Variants in GIN1 observed in about 807,000 individuals in gnomAD.
GIN1 encodes gypsy retrotransposon integrase-like protein 1.
In GIN1, 41 loss-of-function variants were observed where a neutral mutation model predicts 51.4. The observed-to-expected ratio is 0.80, with a 90% confidence interval of 0.62 to 1.04. The LOEUF is 1.04. Among genes scored for constraint, GIN1 ranks in the 50% least tolerant of loss-of-function variants. The pLI is 0.00. For synonymous variants in GIN1, 222 were observed against 206.5 expected (o/e 1.07, Z -0.64); for missense variants, 610 against 612.4 (o/e 1.00, Z 0.04).
rs782373275 is a variant in GIN1 at position 103,104,524 on chromosome 5, T to C, written c.639+17A>G. ...AGTAAGATATGCTCCCAGACCTAAG[T>C]AGTTTATTTGTCTTACCTGTTGAAT... is the stretch of plus-strand genomic sequence containing the variant. On this transcript the variant is annotated intron_variant, in intron 4 of 7. Coordinates refer to ENST00000399004, the MANE Select transcript of GIN1 (RefSeq NM_017676.2). 2.3e-6 allele frequency: 3 copies of C among 1,285,852 alleles called. No homozygotes were observed. The highest frequency in any genetic ancestry group is 3.3e-6 in the Non-Finnish European group (3 of 899,242). The allele number at this position is 1,285,852 out of a possible 1,614,324, so 79.7% of individuals were successfully genotyped here. A position where few individuals can be genotyped will look rare whatever the true frequency, so the allele number is the denominator to read the frequency against.
chr5:103,091,800 G>T (rs1787245471), intron 7 of GIN1, among the ~76,000 whole-genome samples: 1 of 151,924 alleles, frequency 6.6e-6, no homozygotes, highest in South Asian at 2.1e-4. Context: ...CAAGGCGGGT[G>T]GATCACTTGA....
intron 1 of GIN1, among the ~76,000 whole-genome samples, chr5:103,119,049 G>T (rs905616360): frequency 6.6e-6 from 1 of 152,110 alleles, no homozygotes; most frequent in Non-Finnish European, 1.5e-5. Flanking sequence ...GGTCACATTT[G>T]GTTAAGCTTT....
rs577847954 is a variant in GIN1, at chr5:103,095,642, C to G, written c.1294+899G>C. Among the ~76,000 whole-genome samples the G allele has an allele frequency of 2.6e-5, 4 of 152,316 alleles. No homozygotes were observed. In the East Asian group the frequency reaches 7.7e-4, roughly 29 times the overall value. ...CGAAGTGACTAATACATTTGTAAGG[C>G]CAGGTGCAATGGCACATGCACGCAA... is the stretch of plus-strand genomic sequence containing the variant. On this transcript the variant is annotated intron_variant, in intron 7 of 7. Coordinates refer to ENST00000399004, the MANE Select transcript of GIN1 (RefSeq NM_017676.2).
intron 1 of GIN1, among the ~76,000 whole-genome samples, chr5:103,109,257 A>C (rs1787809463): frequency 6.6e-6 from 1 of 152,052 alleles, no homozygotes; most frequent in South Asian, 2.1e-4. Context: ...CTGTCTATAG[A>C]AAGGAGCTCC....
In GIN1 at chr5:103,097,495, T is replaced by G. The variant is rs1554195256; in HGVS notation, c.832-5A>C. The G allele has an allele frequency of 3.9e-6, 6 of 1,530,764 alleles. No individual in the cohort carries two copies. The highest frequency in any genetic ancestry group is 5.4e-6 in the Non-Finnish European group (6 of 1,115,822). 94.8% of individuals were successfully genotyped at this position (1,530,764 alleles called of 1,614,324 possible). ...TGGTGTATTTTTAGTAGGTTCCTATTTTAAAGAAAATAAACGTCAATTTTG... is the reference window on the plus strand; with the variant it reads ...TGGTGTATTTTTAGTAGGTTCCTATGTTAAAGAAAATAAACGTCAATTTTG... On this transcript the variant is annotated splice_region_variant and splice_polypyrimidine_tract_variant and intron_variant, in intron 5 of 7. Coordinates refer to ENST00000399004, the MANE Select transcript of GIN1 (RefSeq NM_017676.2).
At chr5:103,117,795 G>A (rs1452825282) in intron 1 of GIN1, among the ~76,000 whole-genome samples, 2 of 152,018 alleles carry the variant, frequency 1.3e-5, no homozygotes, top group African/African-American at 2.4e-5. Flanking sequence ...TTTACAGGTA[G>A]GAAAATGGAG....
At chr5:103,115,281 A>G (rs1788001551) in intron 1 of GIN1, among the ~76,000 whole-genome samples, 1 of 152,182 alleles carries the variant, frequency 6.6e-6, no homozygotes, top group African/African-American at 2.4e-5. Context: ...GAAGCAACTC[A>G]AGTGTCCATC....
rs1787111516 is a variant in GIN1, at chr5:103,087,623, T to C, written c.*275A>G. ...ATACAAAGGTTTGAGAGATTTGGGCTGGAATTTATTTCCCAAGAAGTAGGG... is the reference window on the plus strand; with the variant it reads ...ATACAAAGGTTTGAGAGATTTGGGCCGGAATTTATTTCCCAAGAAGTAGGG... On this transcript the variant is annotated 3_prime_UTR_variant, in exon 8 of 8. Coordinates refer to ENST00000399004, the MANE Select transcript of GIN1 (RefSeq NM_017676.2). The C allele has an allele frequency of 4.6e-6, 1 of 218,168 alleles. No individual in the cohort carries two copies. The highest frequency in any genetic ancestry group is 8.9e-6 in the Non-Finnish European group (1 of 112,670). 13.5% of individuals were successfully genotyped at this position (218,168 alleles called of 1,614,324 possible).
rs1272491094 is a variant in GIN1 at position 103,096,663 on chromosome 5, C to A, written c.1172G>T (p.Cys391Phe). The change falls in exon 7 of 8, where the codon TGT becomes TTT. Residue 391 changes from cysteine to phenylalanine, a missense_variant. Coordinates refer to ENST00000399004, the MANE Select transcript of GIN1 (RefSeq NM_017676.2). ...ACTTTCTGTAATATAGTCTATGACA[C>A]AAGGACCAACCCATTCAGACTGAAA... ...GRFQSEWVGPCVIDYITESGC... is the reference protein window; with the variant it reads ...GRFQSEWVGPFVIDYITESGC... 3.7e-6 allele frequency: 6 copies of A among 1,613,990 alleles called. No homozygotes were observed. The highest frequency in any genetic ancestry group is 5.1e-6 in the Non-Finnish European group (6 of 1,179,984).
Position 103,087,836 on chromosome 5 carries a change from G to C in GIN1, c.*62C>G. 1.5e-6 allele frequency: 1 copy of C among 686,962 alleles called. No homozygotes were observed. The highest frequency in any genetic ancestry group is 2.4e-6 in the Non-Finnish European group (1 of 422,016). 42.6% of individuals were successfully genotyped at this position (686,962 alleles called of 1,614,324 possible). The stretch of plus-strand genomic sequence containing the variant: ...ACTTCTTCTATACAACGTTTTTAAT[G>C]AATAAGATATCATTAAGAATTTATA... On this transcript the variant is annotated 3_prime_UTR_variant, in exon 8 of 8. Transcript: ENST00000399004.
rs1215316873 is a variant in GIN1 at position 103,120,047 on chromosome 5, C to G, written c.-8+17G>C. Reference sequence around the variant, plus strand: ...AAAACAGTAGGTATGACACAGCACACCAGAACGACCACTCACCGAGGTGGT... The same window carrying G: ...AAAACAGTAGGTATGACACAGCACAGCAGAACGACCACTCACCGAGGTGGT... On this transcript the variant is annotated intron_variant, in intron 1 of 7. Coordinates refer to ENST00000399004, the MANE Select transcript of GIN1 (RefSeq NM_017676.2). The G allele has an allele frequency of 5.5e-6, 1 of 182,222 alleles. No individual in the cohort carries two copies. The highest frequency in any genetic ancestry group is 2.3e-5 in the African/African-American group (1 of 42,954). The allele number at this position is 182,222 out of a possible 1,614,324, so 11.3% of individuals were successfully genotyped here.
intron 5 of GIN1, 21 bp from the exon 6 acceptor site, chr5:103,097,511 G>T: frequency 6.7e-7 from 1 of 1,494,498 alleles, no homozygotes; most frequent in Non-Finnish European, 9.2e-7. Context: ...GAAAATAAAC[G>T]TCAATTTTGT....
At chr5:103,089,402 TATAG>T (rs782555308) in intron 7 of GIN1, among the ~76,000 whole-genome samples, 3 of 152,172 alleles carry the variant, frequency 2.0e-5, no homozygotes, top group Non-Finnish European at 4.4e-5. Flanking sequence ...AGAATATAGA[TATAG>T]ATATATTTAT....
intron 2 of GIN1, 91 bp from the exon 3 acceptor site, chr5:103,107,000 G>T: frequency 3.0e-6 from 2 of 670,542 alleles, no homozygotes; most frequent in Non-Finnish European, 4.8e-6. Flanking sequence ...AAACCATGAA[G>T]GTTTTTGTTT....
chr5:103,095,060 T>C (rs1406672424), intron 7 of GIN1, among the ~76,000 whole-genome samples: 1 of 152,246 alleles, frequency 6.6e-6, no homozygotes, highest in African/African-American at 2.4e-5. Flanking sequence ...AGAAAAGGCA[T>C]AGGGTAAGTG....
intron 1 of GIN1, among the ~76,000 whole-genome samples, chr5:103,110,145 C>T (rs1160986777): frequency 6.7e-6 from 1 of 150,210 alleles, no homozygotes; most frequent in African/African-American, 2.4e-5. Context: ...TGGAAGAAAA[C>T]ATAGGAAAAG....
At chr5:103,096,206 G>A (rs1787387504) in intron 7 of GIN1, among the ~76,000 whole-genome samples, 2 of 152,082 alleles carry the variant, frequency 1.3e-5, no homozygotes, top group Non-Finnish European at 1.5e-5. Context: ...AGCTGGGCAT[G>A]GTGGTATCCA....
intron 1 of GIN1, among the ~76,000 whole-genome samples, chr5:103,112,977 A>G (rs534478864): frequency 6.6e-6 from 1 of 152,266 alleles, no homozygotes; most frequent in African/African-American, 2.4e-5. Flanking sequence ...AGATGTATGC[A>G]AAGAGTACTA....
chr5:103,114,338 T>TC (rs1787967896), intron 1 of GIN1, among the ~76,000 whole-genome samples: 1 of 152,150 alleles, frequency 6.6e-6, no homozygotes, highest in East Asian at 1.9e-4. Context: ...AATGAGGAAA[T>TC]TCTGAGCCAA....
Sources: allele counts gnomAD v4.1 joint callset (sites outside exome capture counted in the v4.1 genomes callset), GRCh38; gene constraint gnomAD v4.1.1; transcripts MANE v1.5; gene names NCBI Gene and HGNC (gene_info 2026-07-23, HGNC 2026-07-21).